The following ATP13A3 variants were observed in gnomAD, a reference collection of about 807,000 sequenced individuals.
ATP13A3 encodes polyamine-transporting ATPase 13A3.
ATP13A3 carries 59 observed loss-of-function variants against 158.1 expected under a neutral mutation model. The observed-to-expected ratio is 0.37, with a 90% CI of 0.30 to 0.46. The LOEUF (loss-of-function observed/expected upper bound fraction) is 0.46. Among genes scored for constraint, ATP13A3 ranks in the 20% least tolerant of loss-of-function variants. The pLI is 1.00. For missense variants in ATP13A3, 1,166 were observed against 1,525.2 expected, an observed-to-expected ratio of 0.76 and a Z score of 3.92; for synonymous variants, 491 against 504.3, an observed-to-expected ratio of 0.97 and a Z score of 0.35.
At chr3:194,446,819 C>T in intron 14 of ATP13A3, 108 bp downstream of exon 14, 1 of 1,067,478 alleles carries the variant, frequency 9.4e-7, no homozygotes, top group East Asian at 2.5e-5. Flanking sequence ...ATTAGAGGAA[C>T]ATGACAGAAT....
chr3:194,409,746 G>A (rs112968310), intron 33 of ATP13A3, among the ~76,000 whole-genome samples: 18 of 119,296 alleles, frequency 1.5e-4, no homozygotes, highest in African/African-American at 4.8e-4. Flanking sequence ...ATTAACACCC[G>A]GGGCTGCCAA....
At chr3:194,429,056 A>G (rs902225171) in intron 27 of ATP13A3, 139 bp from the exon 28 acceptor site, 1 of 507,952 alleles carries the variant, frequency 2.0e-6, no homozygotes, top group African/African-American at 2.0e-5. Context: ...ATTGAAATAT[A>G]AGTGTCTCTG....
In ATP13A3 at chr3:194,437,421, G is replaced by C. The variant is rs1351758187; in HGVS notation, c.1889C>G (p.Ser630Cys). 1 of 1,614,204 alleles carries C rather than the reference G, an allele frequency of 6.2e-7. No homozygotes were observed. The highest frequency in any genetic ancestry group is 8.5e-7 in the Non-Finnish European group (1 of 1,180,034). The change falls in exon 19 of 34, where the codon TCT becomes TGT. Residue 630 changes from serine (S) to cysteine (C), a missense_variant. Around this residue, in one of 3 missense-constraint regions of ATP13A3, gnomAD observed 997 missense variants for 1,341.2 expected, o/e 0.74. Coordinates refer to ENST00000645319, the MANE Select transcript of ATP13A3 (RefSeq NM_001367549.1). ...IGIVRQFPFS[S>C]ALQRMSVVAR... ...AACCACACTCATACGTTGCAAAGCA[G>C]AAGAAAATGGGAACTGGCGAACAAT...
intron 4 of ATP13A3, among the ~76,000 whole-genome samples, 175 bp from the exon 5 acceptor site, chr3:194,460,146 G>A (rs1161518655): frequency 6.6e-6 from 1 of 152,024 alleles, no homozygotes. Flanking sequence ...TCAAACATAA[G>A]GTGCTTTCCA....
At chr3:194,457,488 AGC>A (rs1330948594) in intron 6 of ATP13A3, among the ~76,000 whole-genome samples, 1 of 152,230 alleles carries the variant, frequency 6.6e-6, no homozygotes, top group African/African-American at 2.4e-5. Context: ...AAGCTGTAAT[AGC>A]TAAAATTAAA....
upstream of ATP13A3, chr3:194,487,663 G>C (rs199840411): frequency 6.6e-6 from 1 of 152,252 alleles, no homozygotes; most frequent in Non-Finnish European, 1.5e-5. Context: ...GACTTATCTC[G>C]GGGTAGGGCC....
intron 2 of ATP13A3, among the ~76,000 whole-genome samples, chr3:194,480,715 T>C (rs1178395298): frequency 1.3e-5 from 2 of 152,146 alleles, no homozygotes; most frequent in Admixed American, 1.3e-4. Flanking sequence ...TGGAGTCACA[T>C]CATATATGCA....
At chr3:194,481,633 A>T (rs528629028) in intron 2 of ATP13A3, among the ~76,000 whole-genome samples, 1 of 152,314 alleles carries the variant, frequency 6.6e-6, no homozygotes, top group African/African-American at 2.4e-5. Context: ...TGAAAAAAAA[A>T]TAAGAAAAAC....
rs201073939 is a variant in ATP13A3, at chr3:194,437,439, C to T, written c.1871G>A (p.Arg624His). 192 of 1,614,164 alleles carry T rather than the reference C, an allele frequency of 1.2e-4. No individual in the cohort carries two copies. The African/African-American group carries it at 1.7e-3, about 14-fold the overall frequency. The part of the protein sequence containing the change: ...LPATYEIGIV[R>H]QFPFSSALQR... ...CAAAGCAGAAGAAAATGGGAACTGG[C>T]GAACAATTCCTATCTCATAAGTAGC... Residue 624 changes from arginine (R) to histidine (H), a missense_variant, in exon 19 of 34, where the codon CGC (arginine) becomes CAC (histidine). Arg to His is a conservative substitution (Grantham distance 29, BLOSUM62 0). Transcript: ENST00000645319.
At chr3:194,415,667 T>G (rs1344824341) in intron 31 of ATP13A3, among the ~76,000 whole-genome samples, 14 of 125,384 alleles carry the variant, frequency 1.1e-4, no homozygotes, top group East Asian at 8.5e-4. Context: ...CATTCTTTTT[T>G]TTTTTTTTTT....
chr3:194,454,684 C>T (rs1577072923), intron 8 of ATP13A3, among the ~76,000 whole-genome samples: 3 of 152,214 alleles, frequency 2.0e-5, no homozygotes, highest in African/African-American at 7.2e-5. Context: ...AAAAAGTTAG[C>T]TGGGCATGGT....
At chr3:194,419,190 CA>C (rs1716110994) in intron 31 of ATP13A3, among the ~76,000 whole-genome samples, 1 of 152,034 alleles carries the variant, frequency 6.6e-6, no homozygotes, top group Non-Finnish European at 1.5e-5. Flanking sequence ...AAAAAGGGAA[CA>C]AGATAACATT....
intron 30 of ATP13A3, 166 bp from the exon 31 acceptor site, chr3:194,420,133 A>T (rs1716187614): frequency 1.5e-6 from 1 of 647,888 alleles, no homozygotes; most frequent in Admixed American, 4.6e-5. Context: ...AGTATGAGAC[A>T]TTGTTCGGGG....
At chr3:194,457,672 T>C (rs1212934605) in intron 6 of ATP13A3, among the ~76,000 whole-genome samples, 2 of 152,100 alleles carry the variant, frequency 1.3e-5, no homozygotes, top group Admixed American at 6.5e-5. Flanking sequence ...CCTAAATGCA[T>C]ACCTGGTTTG....
intron 7 of ATP13A3, 50 bp from the exon 8 acceptor site, chr3:194,456,012 A>G (rs1216054190): frequency 8.4e-7 from 1 of 1,196,506 alleles, no homozygotes; most frequent in Non-Finnish European, 1.2e-6. Flanking sequence ...ATAATAGTAT[A>G]ATTTACGAAA....
At position 194,437,204 on chromosome 3, in the gene ATP13A3, A is replaced by C; in HGVS notation, c.2011T>G (p.Phe671Val). The C allele has an allele frequency of 1.2e-6, 2 of 1,614,114 alleles. No homozygotes were observed. The highest frequency in any genetic ancestry group is 2.2e-5 in the South Asian group (2 of 91,058). ...LCKPETVPVDFQNVLEDFTKQ... is the reference protein window; with the variant it reads ...LCKPETVPVDVQNVLEDFTKQ... ...GTGAAGTCTTCCAAAACGTTTTGAA[A>C]ATCGACAGGAACTTTTTAAAAGAAA... Residue 671 changes from phenylalanine to valine, a missense_variant, in exon 20 of 34, where the codon TTT becomes GTT. Physicochemically the swap from Phe to Val is conservative, Grantham distance 50. Transcript: ENST00000645319.
intron 16 of ATP13A3, among the ~76,000 whole-genome samples, chr3:194,440,419 A>G (rs1412110591): frequency 6.6e-6 from 1 of 152,190 alleles, no homozygotes; most frequent in African/African-American, 2.4e-5. Context: ...GGGTGAGGAA[A>G]GCAACGGAGA....
At chr3:194,444,021 ACTCATATC>A (rs1718226116) in intron 15 of ATP13A3, among the ~76,000 whole-genome samples, 1 of 152,214 alleles carries the variant, frequency 6.6e-6, no homozygotes, top group Non-Finnish European at 1.5e-5. Flanking sequence ...ACAATGTAAT[ACTCATATC>A]CATCCATCTG....
At chr3:194,490,560 G>C (rs1721135721), upstream of ATP13A3, among the ~76,000 whole-genome samples, 1 of 152,162 alleles carries the variant, frequency 6.6e-6, no homozygotes, top group South Asian at 2.1e-4. The surrounding 1 kb of genome is among the most constrained non-coding windows in gnomAD (Gnocchi z 4.4). Flanking sequence ...GTTCCCCAAG[G>C]CTCAACCCAG....
Sources: allele counts gnomAD v4.1 joint callset (sites outside exome capture counted in the v4.1 genomes callset), GRCh38; gene constraint gnomAD v4.1.1; regional missense constraint gnomAD v4.1.1; non-coding constraint Gnocchi (gnomAD v3.1); transcripts MANE v1.5; gene names NCBI Gene and HGNC (gene_info 2026-07-23, HGNC 2026-07-21).